CALN1: variants seen among roughly 807,000 people sequenced by gnomAD.
CALN1 encodes calneuron 1, also known as calcium-binding protein 8.
A neutral mutation model predicts 30.6 loss-of-function variants in CALN1; 17 were observed. That is an observed-to-expected ratio of 0.56 (90% CI 0.38 to 0.83). The LOEUF is 0.83. Ranked by LOEUF, CALN1 falls within the 40% of genes least tolerant of loss-of-function variation. CALN1 has a pLI of 0.00. For missense variants in CALN1, 291 were observed against 354.9 expected (o/e 0.82, Z 1.45); for synonymous variants, 156 against 131.4 (o/e 1.19, Z -1.28).
chr7:72,329,572 T>C (rs1801521527), intron 2 of CALN1, among the ~76,000 whole-genome samples: 1 of 152,188 alleles, frequency 6.6e-6, no homozygotes, highest in Non-Finnish European at 1.5e-5. Context: ...CACTGGCTGT[T>C]CCCACACCCT....
intron 1 of CALN1, among the ~76,000 whole-genome samples, chr7:72,446,717 C>T (rs1307740296): frequency 1.3e-5 from 2 of 152,068 alleles, no homozygotes; most frequent in East Asian, 1.9e-4. Flanking sequence ...AGGACCCGGC[C>T]GGGAGGAAAT....
intron 1 of CALN1, among the ~76,000 whole-genome samples, chr7:72,408,834 C>T (rs1470808360): frequency 6.6e-6 from 1 of 151,746 alleles, no homozygotes; most frequent in Non-Finnish European, 1.5e-5. Context: ...GGCACCATCA[C>T]TCCTGGCTAA....
At chr7:72,448,731 G>A (rs1040286458), upstream of CALN1, among the ~76,000 whole-genome samples, 12 of 151,418 alleles carry the variant, frequency 7.9e-5, no homozygotes, top group African/African-American at 2.9e-4. Context: ...TCGGCCTCCC[G>A]AGTAGCTGGG....
intron 5 of CALN1, among the ~76,000 whole-genome samples, chr7:71,836,649 A>T (rs1419274290): frequency 2.1e-5 from 3 of 139,634 alleles, no homozygotes; most frequent in Admixed American, 1.5e-4. Context: ...TCTGAGACAG[A>T]GTTCTGTCGC....
intron 3 of CALN1, among the ~76,000 whole-genome samples, chr7:72,169,275 C>T (rs1788764503): frequency 6.6e-6 from 1 of 151,984 alleles, no homozygotes; most frequent in Non-Finnish European, 1.5e-5. Flanking sequence ...CTCCTTGGCC[C>T]TCACTTGCCT....
chr7:72,475,079 G>C, the CALN1 span, among the ~76,000 whole-genome samples: 14 of 152,118 alleles, frequency 9.2e-5, no homozygotes. Flanking sequence ...ACATGCACCG[G>C]GCTTTGTCCT....
chr7:72,313,049 G>T (rs1157558689), intron 2 of CALN1, among the ~76,000 whole-genome samples: 1 of 152,074 alleles, frequency 6.6e-6, no homozygotes, highest in Non-Finnish European at 1.5e-5. Context: ...TGGCCAGGCT[G>T]GTCTCGAACT....
At chr7:72,159,889 G>C (rs1201826015) in intron 3 of CALN1, among the ~76,000 whole-genome samples, 1 of 152,234 alleles carries the variant, frequency 6.6e-6, no homozygotes, top group African/African-American at 2.4e-5. Flanking sequence ...GAAGGTGAAA[G>C]AAACAGATAT....
At chr7:72,316,053 A>G (rs1445531713) in intron 2 of CALN1, among the ~76,000 whole-genome samples, 1 of 152,060 alleles carries the variant, frequency 6.6e-6, no homozygotes, top group African/African-American at 2.4e-5. Flanking sequence ...CAGGAAGCTG[A>G]GGCAGGAGAA....
chr7:72,499,885 C>T, the CALN1 span, among the ~76,000 whole-genome samples: 16 of 59,850 alleles, frequency 2.7e-4, no homozygotes, highest in African/African-American at 8.7e-4. Context: ...TTCTTTCTTT[C>T]TTTCTTTCTT....
chr7:72,219,269 AG>A (rs1360103310), intron 3 of CALN1, among the ~76,000 whole-genome samples: 15 of 152,140 alleles, frequency 9.9e-5, no homozygotes, highest in South Asian at 6.2e-4. Flanking sequence ...CTGTTGCCCA[AG>A]GCTGGAGTGC....
At chr7:72,289,977 C>T (rs1347169619) in intron 2 of CALN1, among the ~76,000 whole-genome samples, 2 of 150,880 alleles carry the variant, frequency 1.3e-5, no homozygotes, top group Non-Finnish European at 1.5e-5. Context: ...ACTCAGGAGG[C>T]TGAGGTTGGA....
At chr7:72,003,245 GA>G (rs1799613270) in intron 5 of CALN1, among the ~76,000 whole-genome samples, 1 of 152,138 alleles carries the variant, frequency 6.6e-6, no homozygotes, top group African/African-American at 2.4e-5. Context: ...TCACTCCAAA[GA>G]AGATGAAATA....
intron 5 of CALN1, among the ~76,000 whole-genome samples, chr7:71,922,488 TAATATATAATATATAAATACAC>T (rs1794997613): frequency 6.9e-6 from 1 of 144,156 alleles, no homozygotes; most frequent in African/African-American, 2.6e-5. Flanking sequence ...TATATTAATA[TAATATATAATATATAAATACAC>T]AATATATAAC....
intron 4 of CALN1, among the ~76,000 whole-genome samples, chr7:72,076,594 G>T (rs567303954): frequency 1.3e-5 from 1 of 75,740 alleles, no homozygotes; most frequent in African/African-American, 5.0e-5. Context: ...GTGAAACTCC[G>T]TCTAGAAAAA....
rs914132822 is a variant in CALN1, at chr7:72,105,785, A to G, written c.388+366T>C. Among the ~76,000 whole-genome samples the G allele has an allele frequency of 5.1e-3, 379 of 74,058 alleles. 3 individuals carry two copies. Among genetic ancestry groups the G allele is most frequent in the African/African-American group, 0.024 (357 of 15,058 alleles). 48.6% of individuals were successfully genotyped at this position (74,058 alleles called of 152,430 possible). On this transcript the variant is annotated intron_variant, in intron 4 of 6. Coordinates refer to ENST00000395275, the MANE Select transcript of CALN1 (RefSeq NM_031468.4). ...AGGAAGAAGAAGGAGGAGGAGGAGG[A>G]GGGGGGAGGGAGGGAGGGAGGAGGA...
Position 72,392,878 on chromosome 7 carries a change from T to C in CALN1, c.119+10373A>G, listed in dbSNP as rs75068058. On this transcript the variant is annotated intron_variant, in intron 2 of 6. Coordinates refer to ENST00000395275, the MANE Select transcript of CALN1 (RefSeq NM_031468.4). The stretch of plus-strand genomic sequence containing the variant: ...GCCAGACATGTTGGCATGTACCTGC[T>C]GTCCCAGCTACTTCGGAGGCTGAGG... Among the ~76,000 whole-genome samples the C allele has an allele frequency of 7.3e-3, 1,109 of 152,184 alleles. 7 individuals are homozygous for C. The highest frequency in any genetic ancestry group is 0.012 in the Non-Finnish European group (791 of 68,026).
intron 4 of CALN1, among the ~76,000 whole-genome samples, chr7:72,046,237 T>C (rs571885280): frequency 2.6e-5 from 4 of 151,802 alleles, no homozygotes; most frequent in Admixed American, 2.0e-4. Context: ...CAGGCTCCAG[T>C]TTCCTTCTTT....
intron 2 of CALN1, among the ~76,000 whole-genome samples, chr7:72,374,577 TAGAA>T (rs939336538): frequency 1.5e-5 from 2 of 135,892 alleles, no homozygotes; most frequent in Non-Finnish European, 1.6e-5. Context: ...AACAGAAAAC[TAGAA>T]ATACAAAGGC....
Sources: gnomAD v4.1 joint callset for allele counts (sites outside exome capture counted in the v4.1 genomes callset) on GRCh38, gnomAD v4.1.1 for gene constraint, MANE v1.5 for transcripts, NCBI Gene and HGNC (gene_info 2026-07-23, HGNC 2026-07-21) for gene names.